Variants in PHTF2 observed in about 807,000 individuals in gnomAD.
The protein encoded by PHTF2 is protein PHTF2.
Under a neutral mutation model 101.2 loss-of-function variants are expected in PHTF2, and 60 were observed. The ratio of observed to expected loss-of-function variants is 0.59; its 90% confidence interval spans 0.48 to 0.73. PHTF2 has a LOEUF of 0.73. PHTF2 is among the 30% of genes least tolerant of loss of function. The pLI is 0.00. For missense variants in PHTF2, 747 were observed against 908.7 expected (o/e 0.82, Z 2.29); for synonymous variants, 311 against 307.3 (o/e 1.01, Z -0.13).
At chr7:77,892,103 C>T (rs1000743564) in intron 3 of PHTF2, among the ~76,000 whole-genome samples, 2 of 152,150 alleles carry the variant, frequency 1.3e-5, no homozygotes, top group Admixed American at 1.3e-4. Flanking sequence ...CGGTGAAACA[C>T]CGTCTGTACT....
At chr7:77,834,141 C>T (rs903691712) in intron 1 of PHTF2, among the ~76,000 whole-genome samples, 5 of 151,780 alleles carry the variant, frequency 3.3e-5, no homozygotes, top group Admixed American at 6.6e-5. Context: ...AGCCAGACCT[C>T]GTGTCTGCTA....
At chr7:77,822,194 G>T (rs1794346233) in intron 1 of PHTF2, among the ~76,000 whole-genome samples, 1 of 152,202 alleles carries the variant, frequency 6.6e-6, no homozygotes, top group African/African-American at 2.4e-5. Context: ...GCAGCAGAGT[G>T]TTGGGGAGCA....
At chr7:77,809,602 G>A (rs997950013) in intron 1 of PHTF2, among the ~76,000 whole-genome samples, 4 of 152,004 alleles carry the variant, frequency 2.6e-5, no homozygotes, top group Non-Finnish European at 5.9e-5. Context: ...AATTTCTAAG[G>A]GAGATTAATA....
chr7:77,819,808 A>G (rs900538975), intron 1 of PHTF2, among the ~76,000 whole-genome samples: 8 of 152,206 alleles, frequency 5.3e-5, no homozygotes, highest in African/African-American at 1.9e-4. Flanking sequence ...AGAAAAATTG[A>G]TATTAATTCT....
intron 3 of PHTF2, among the ~76,000 whole-genome samples, chr7:77,866,776 T>C (rs10260391): frequency 0.026 from 3,941 of 152,326 alleles, 174 homozygotes; most frequent in African/African-American, 0.089. Flanking sequence ...AAATATGACA[T>C]AGCTTTTCTT....
At chr7:77,807,721 A>G (rs1028796534) in intron 1 of PHTF2, among the ~76,000 whole-genome samples, 3 of 152,108 alleles carry the variant, frequency 2.0e-5, no homozygotes, top group African/African-American at 7.2e-5. Flanking sequence ...CCATTTGTCT[A>G]TGTTTGCTTT....
intron 3 of PHTF2, among the ~76,000 whole-genome samples, chr7:77,877,196 A>T (rs1237190062): frequency 6.6e-6 from 1 of 150,426 alleles, no homozygotes; most frequent in Non-Finnish European, 1.5e-5. Flanking sequence ...GCTCACTGCA[A>T]CCTCCACCTC....
chr7:77,940,216 A>G (rs1296671426), exon 14 of PHTF2: 2 of 1,613,760 alleles, frequency 1.2e-6, no homozygotes, highest in South Asian at 1.1e-5. Flanking sequence ...AGTTCTTTCT[A>G]TGGTTATAAT....
At chr7:77,937,894 TAAG>T in intron 13 of PHTF2, 56 bp downstream of exon 12, 18 of 865,680 alleles carry the variant, frequency 2.1e-5, no homozygotes, top group Non-Finnish European at 2.5e-5. Flanking sequence ...TAATTATATA[TAAG>T]ATAATTACTG....
At chr7:77,954,620 A>ATATATG (rs1806843709) in intron 19 of PHTF2, among the ~76,000 whole-genome samples, 2 of 117,146 alleles carry the variant, frequency 1.7e-5, no homozygotes, top group African/African-American at 3.0e-5. Flanking sequence ...GTGTATATAT[A>ATATATG]TATATATATA....
intron 19 of PHTF2, 31 bp from the exon 19 acceptor site, chr7:77,954,827 C>T: frequency 7.3e-7 from 1 of 1,361,618 alleles, no homozygotes; most frequent in South Asian, 1.3e-5. Context: ...TTAAAACTGG[C>T]TTGTCACCAC....
intron 2 of PHTF2, among the ~76,000 whole-genome samples, chr7:77,840,714 T>TA (rs1795801702): frequency 1.3e-5 from 2 of 152,134 alleles, no homozygotes; most frequent in African/African-American, 4.8e-5. Context: ...GGAACTCTAT[T>TA]TTACAAACTG....
chr7:77,888,411 C>A (rs539594933), intron 3 of PHTF2, among the ~76,000 whole-genome samples: 1 of 152,164 alleles, frequency 6.6e-6, no homozygotes, highest in Non-Finnish European at 1.5e-5. Context: ...CCGCTGCGCC[C>A]GGCCTAGAAT....
At chr7:77,864,144 A>G (rs916533231) in intron 3 of PHTF2, among the ~76,000 whole-genome samples, 2 of 152,132 alleles carry the variant, frequency 1.3e-5, no homozygotes, top group African/African-American at 2.4e-5. Context: ...ACAAGTAACT[A>G]TTATGCTTTA....
At chr7:77,832,791 A>G (rs573435714) in intron 1 of PHTF2, among the ~76,000 whole-genome samples, 6 of 152,096 alleles carry the variant, frequency 3.9e-5, no homozygotes, top group Non-Finnish European at 8.8e-5. Flanking sequence ...GGTGAGTTGT[A>G]TAATTATTTC....
At chr7:77,803,686 GGCGTGT>G (rs1562824814) in intron 1 of PHTF2, among the ~76,000 whole-genome samples, 1 of 140,676 alleles carries the variant, frequency 7.1e-6, no homozygotes, top group Non-Finnish European at 1.5e-5. Context: ...GAGTTGAACA[GGCGTGT>G]GTGTGTGTGT....
intron 5 of PHTF2, among the ~76,000 whole-genome samples, chr7:77,896,282 T>G (rs1800870116): frequency 6.6e-6 from 1 of 152,188 alleles, no homozygotes; most frequent in Non-Finnish European, 1.5e-5. Flanking sequence ...ATTAATCAAT[T>G]TATCTGGCTC....
In PHTF2 at chr7:77,831,853, T is replaced by G. The variant is rs1183552721; in HGVS notation, c.-35-8368T>G. Among the ~76,000 whole-genome samples, 3 of 152,178 alleles carry G rather than the reference T, an allele frequency of 2.0e-5. No homozygotes were observed. The East Asian group carries it at 5.8e-4, about 29-fold the overall frequency. On this transcript the variant is annotated intron_variant, in intron 1 of 19. Transcript: ENST00000416283. The stretch of plus-strand genomic sequence containing the variant: ...ATGTCACCGAAACTTAACCAACATT[T>G]TGCAGGATGTGATTAAAATTATCCA...
At chr7:77,951,661 G>A (rs965651590) in exon 18 of PHTF2, 11 of 1,485,824 alleles carry the variant, frequency 7.4e-6, no homozygotes, top group Middle Eastern at 1.7e-4. Flanking sequence ...ACAAAAAGGA[G>A]GAACTGACAC....
Sources: allele counts gnomAD v4.1 joint callset (sites outside exome capture counted in the v4.1 genomes callset), GRCh38; gene constraint gnomAD v4.1.1; transcripts MANE v1.5; gene names NCBI Gene and HGNC (gene_info 2026-07-23, HGNC 2026-07-21).